The following IFT56 variants were observed in gnomAD, a reference collection of about 807,000 sequenced individuals.
The protein encoded by IFT56 is intraflagellar transport protein 56.
chr7:139,135,299 CAAA>C, the IFT56 span, among the ~76,000 whole-genome samples: 3,824 of 99,170 alleles, frequency 0.039, 149 homozygotes, highest in African/African-American at 0.16. Context: ...AAAAAAAAAA[CAAA>C]ACAAAACTTA....
chr7:139,185,943 A>G, the IFT56 span, among the ~76,000 whole-genome samples: 1 of 152,022 alleles, frequency 6.6e-6, no homozygotes, highest in Non-Finnish European at 1.5e-5. Flanking sequence ...AACTGAAGAG[A>G]AGAAAGTTGT....
At chr7:139,158,585 C>T in the IFT56 span, among the ~76,000 whole-genome samples, 1 of 151,962 alleles carries the variant, frequency 6.6e-6, no homozygotes, top group South Asian at 2.1e-4. Context: ...TTCCTTTATT[C>T]TTGTGGCAAA....
chr7:139,168,207 A>T, the IFT56 span: 1 of 480,038 alleles, frequency 2.1e-6, no homozygotes, highest in Non-Finnish European at 3.6e-6. Context: ...TATTCAAGCC[A>T]GGGATAGAAC....
At chr7:139,181,228 TA>T in the IFT56 span, 1 of 1,505,346 alleles carries the variant, frequency 6.6e-7, no homozygotes, top group Non-Finnish European at 9.2e-7. Context: ...AAGGGAACAT[TA>T]AAGATTCATT....
At chr7:139,177,355 A>G in the IFT56 span, among the ~76,000 whole-genome samples, 29,670 of 150,694 alleles carry the variant, frequency 0.2, 5,318 homozygotes, top group African/African-American at 0.45. Context: ...TATAACTCCC[A>G]CCCTTGCCAC....
the IFT56 span, chr7:139,179,785 G>A: frequency 1.7e-4 from 116 of 668,060 alleles, no homozygotes; most frequent in East Asian, 7.7e-4. Context: ...GAAATTAAGC[G>A]TTGTTAATGC....
chr7:139,139,123 A>G, the IFT56 span, among the ~76,000 whole-genome samples: 1 of 152,156 alleles, frequency 6.6e-6, no homozygotes. Context: ...CATTTCCTAC[A>G]TATTCTCATT....
At chr7:139,175,378 C>T in the IFT56 span, among the ~76,000 whole-genome samples, 2 of 152,020 alleles carry the variant, frequency 1.3e-5, no homozygotes, top group Non-Finnish European at 2.9e-5. Context: ...TAGGTATATA[C>T]CCAAAAGAAA....
the IFT56 span, among the ~76,000 whole-genome samples, chr7:139,150,335 G>A: frequency 6.6e-6 from 1 of 152,138 alleles, no homozygotes; most frequent in Non-Finnish European, 1.5e-5. Context: ...TTTCTACCTA[G>A]AGTCAGTCTT....
chr7:139,147,980 G>A, the IFT56 span, among the ~76,000 whole-genome samples: 1 of 152,126 alleles, frequency 6.6e-6, no homozygotes, highest in Admixed American at 6.5e-5. Flanking sequence ...AGTGTGAACA[G>A]CGTGAACTTT....
chr7:139,169,146 T>A, the IFT56 span: 1 of 660,630 alleles, frequency 1.5e-6, no homozygotes, highest in African/African-American at 1.8e-5. Flanking sequence ...CTAGTTGTTA[T>A]GTTAATGAGA....
the IFT56 span, among the ~76,000 whole-genome samples, chr7:139,183,935 A>G: frequency 1.3e-5 from 2 of 152,240 alleles, no homozygotes; most frequent in Non-Finnish European, 2.9e-5. Context: ...AATACTACTC[A>G]GTAATAAAAA....
the IFT56 span, among the ~76,000 whole-genome samples, chr7:139,157,110 C>A: frequency 8.5e-6 from 1 of 118,116 alleles, no homozygotes; most frequent in Non-Finnish European, 2.0e-5. Context: ...AATATGGTAT[C>A]TTTCTCCATT....
the IFT56 span, among the ~76,000 whole-genome samples, chr7:139,151,746 G>A: frequency 6.6e-6 from 1 of 152,180 alleles, no homozygotes; most frequent in African/African-American, 2.4e-5. Flanking sequence ...TTTATGTTTA[G>A]TGCTTTCTGT....
the IFT56 span, among the ~76,000 whole-genome samples, chr7:139,175,869 G>T: frequency 6.6e-6 from 1 of 151,984 alleles, no homozygotes; most frequent in Non-Finnish European, 1.5e-5. Context: ...TTGCTCTGTT[G>T]CCCAGGCTGG....
At chr7:139,168,412 A>G in the IFT56 span, 3 of 1,606,000 alleles carry the variant, frequency 1.9e-6, no homozygotes, top group Admixed American at 5.0e-5. Context: ...GTATGAAATC[A>G]CTGATAATCT....
the IFT56 span, among the ~76,000 whole-genome samples, chr7:139,163,235 A>G: frequency 6.8e-6 from 1 of 147,426 alleles, no homozygotes; most frequent in Non-Finnish European, 1.5e-5. Flanking sequence ...CCAGCTACTC[A>G]GGAGGCTGAG....
At chr7:139,143,526 C>G in the IFT56 span, among the ~76,000 whole-genome samples, 1 of 152,062 alleles carries the variant, frequency 6.6e-6, no homozygotes, top group Non-Finnish European at 1.5e-5. Context: ...TATTATATCT[C>G]TCATCTATCC....
At chr7:139,189,701 T>G in the IFT56 span, 1 of 241,670 alleles carries the variant, frequency 4.1e-6, no homozygotes, top group African/African-American at 2.3e-5. Flanking sequence ...AGTACTTTTA[T>G]GCAATTTACT....
Sources: allele counts gnomAD v4.1 joint callset (sites outside exome capture counted in the v4.1 genomes callset), GRCh38; gene constraint gnomAD v4.1.1; transcripts MANE v1.5; gene names NCBI Gene and HGNC (gene_info 2026-07-23, HGNC 2026-07-21).